Variants in PLEKHA7 observed in about 807,000 individuals in gnomAD.
The protein encoded by PLEKHA7 is pleckstrin homology domain containing A7.
Under a neutral mutation model 170.0 loss-of-function variants are expected in PLEKHA7, and 104 were observed. The observed-to-expected ratio is 0.61, with a 90% CI of 0.52 to 0.72. The LOEUF is 0.72. Among genes scored for constraint, PLEKHA7 ranks in the 30% least tolerant of loss-of-function variants. The pLI is 0.00. For synonymous variants in PLEKHA7, 648 were observed against 660.8 expected (o/e 0.98, Z 0.30); for missense variants, 1,615 against 1,671.7 (o/e 0.97, Z 0.59).
chr11:16,961,014 C>T (rs1470424602), intron 3 of PLEKHA7, among the ~76,000 whole-genome samples: 1 of 152,200 alleles, frequency 6.6e-6, no homozygotes, highest in East Asian at 1.9e-4. Context: ...GCAAGTCCCC[C>T]TCCACCCCAC....
At chr11:16,797,366 G>A (rs1848305867) in intron 17 of PLEKHA7, among the ~76,000 whole-genome samples, 1 of 152,150 alleles carries the variant, frequency 6.6e-6, no homozygotes, top group African/African-American at 2.4e-5. Flanking sequence ...CCCCTCAACT[G>A]GAAGAGTTCT....
At chr11:16,855,093 T>A (rs1336713491) in intron 5 of PLEKHA7, 100 bp from the exon 6 acceptor site, 2 of 900,394 alleles carry the variant, frequency 2.2e-6, no homozygotes, top group Non-Finnish European at 3.6e-6. Context: ...TGCCTCACTC[T>A]AAATGGCAGC....
chr11:17,000,795 C>T (rs1218563002), intron 3 of PLEKHA7, among the ~76,000 whole-genome samples: 4 of 152,212 alleles, frequency 2.6e-5, no homozygotes, highest in Non-Finnish European at 5.9e-5. Flanking sequence ...AAGCTAAAAG[C>T]AGAGTGAGGA....
At chr11:16,814,308 C>A (rs1849586814) in intron 12 of PLEKHA7, among the ~76,000 whole-genome samples, 1 of 152,208 alleles carries the variant, frequency 6.6e-6, no homozygotes, top group Non-Finnish European at 1.5e-5. Flanking sequence ...CACTGACATT[C>A]ATTTTTCTGA....
At chr11:16,927,681 T>A (rs1360562191) in intron 3 of PLEKHA7, among the ~76,000 whole-genome samples, 1 of 152,266 alleles carries the variant, frequency 6.6e-6, no homozygotes, top group East Asian at 1.9e-4. Flanking sequence ...GGGGACAATT[T>A]GGCAATATGA....
At chr11:16,805,377 G>A (rs1409884073) in intron 13 of PLEKHA7, among the ~76,000 whole-genome samples, 1 of 152,186 alleles carries the variant, frequency 6.6e-6, no homozygotes, top group African/African-American at 2.4e-5. Context: ...CTTTCTAAAA[G>A]TATGCCCTTT....
In PLEKHA7 at chr11:16,790,785, G is replaced by T. The variant is rs1484229287; in HGVS notation, c.3052+13C>A. On this transcript the variant is annotated intron_variant, in intron 21 of 26. Coordinates refer to ENST00000531066, the MANE Select transcript of PLEKHA7 (RefSeq NM_001329630.2). ...GGATTCCCAGAGAAACTCCAGGGAG[G>T]GCCCTGCCTTACCTCTGCCTGGCAG... The T allele has an allele frequency of 6.2e-7, 1 of 1,605,590 alleles. No individual in the cohort carries two copies. Among genetic ancestry groups the T allele is most frequent in the African/African-American group, 1.3e-5 (1 of 74,878 alleles).
At chr11:16,904,766 C>T (rs1294860057) in intron 3 of PLEKHA7, among the ~76,000 whole-genome samples, 1 of 152,098 alleles carries the variant, frequency 6.6e-6, no homozygotes, top group Non-Finnish European at 1.5e-5. Context: ...ATATACTTTG[C>T]ATATATTGCT....
chr11:16,794,397 C>T (rs1848066968), intron 19 of PLEKHA7, 91 bp downstream of exon 19: 5 of 1,336,832 alleles, frequency 3.7e-6, no homozygotes, highest in Non-Finnish European at 5.4e-6. Flanking sequence ...TCCATTTCCC[C>T]AAGTTTTCCC....
chr11:16,998,980 C>T (rs979620547), intron 3 of PLEKHA7, among the ~76,000 whole-genome samples: 1 of 152,114 alleles, frequency 6.6e-6, no homozygotes, highest in African/African-American at 2.4e-5. Context: ...TCCAACCAGC[C>T]CTCTATCCTC....
At chr11:16,840,111 G>T (rs182916767) in intron 9 of PLEKHA7, among the ~76,000 whole-genome samples, 2 of 152,168 alleles carry the variant, frequency 1.3e-5, no homozygotes, top group Non-Finnish European at 1.5e-5. Context: ...CAAAATTGAC[G>T]TAGTTACTGA....
At chr11:16,864,511 A>T (rs966314785) in intron 4 of PLEKHA7, among the ~76,000 whole-genome samples, 1 of 152,234 alleles carries the variant, frequency 6.6e-6, no homozygotes, top group African/African-American at 2.4e-5. Context: ...CTGTGTTCCC[A>T]CCCAAATTTC....
intron 3 of PLEKHA7, among the ~76,000 whole-genome samples, chr11:16,924,568 T>C (rs1245306284): frequency 6.6e-6 from 1 of 152,046 alleles, no homozygotes; most frequent in Non-Finnish European, 1.5e-5. Flanking sequence ...GGTTCTAAAG[T>C]AGATTAAAAA....
intron 3 of PLEKHA7, among the ~76,000 whole-genome samples, chr11:16,918,992 C>T (rs1057058085): frequency 5.9e-5 from 9 of 152,184 alleles, no homozygotes; most frequent in Admixed American, 3.9e-4. Context: ...GGGTGGATCA[C>T]CTGAGGTCAG....
In PLEKHA7 at chr11:16,789,100, C is replaced by T. The variant is rs774154046; in HGVS notation, c.3353G>A (p.Gly1118Asp). 26 of 1,602,574 alleles carry T rather than the reference C, an allele frequency of 1.6e-5. No homozygotes were observed. The highest frequency in any genetic ancestry group is 1.9e-5 in the Non-Finnish European group (23 of 1,179,946). ...YLSRPLPGDL[G>D]SWKREQDFDL... Reference sequence around the variant, plus strand: ...GCCTGGCCCCTCCTAACATACTGAGCCAAGATCTCCAGGGAGCGGCCGGCT... The same window carrying T: ...GCCTGGCCCCTCCTAACATACTGAGTCAAGATCTCCAGGGAGCGGCCGGCT... Residue 1118 changes from glycine (G) to aspartate (D), a missense_variant, in exon 23 of 27, where the codon GGC becomes GAC. Physicochemically the swap from Gly to Asp is moderately conservative, Grantham distance 94. Coordinates refer to ENST00000531066, the MANE Select transcript of PLEKHA7 (RefSeq NM_001329630.2). This position sits in a 1 kb window ranked among gnomAD's most constrained non-coding sequence, Gnocchi z 4.6.
chr11:16,865,447 A>T (rs865866275), intron 4 of PLEKHA7, among the ~76,000 whole-genome samples: 9 of 152,200 alleles, frequency 5.9e-5, no homozygotes, highest in African/African-American at 1.7e-4. Flanking sequence ...ACTCTAGGCC[A>T]GGCGGGTGGC....
intron 3 of PLEKHA7, chr11:16,881,696 C>T (rs1441392110): frequency 6.6e-6 from 1 of 152,222 alleles, no homozygotes; most frequent in African/African-American, 2.4e-5. Context: ...GCTCTGGAGT[C>T]AGAACAAATT....
intron 4 of PLEKHA7, among the ~76,000 whole-genome samples, chr11:16,857,708 A>ATTTG (rs112185316): frequency 0.022 from 3,322 of 152,082 alleles, 63 homozygotes; most frequent in East Asian, 0.1. Flanking sequence ...ATTTGTTTGA[A>ATTTG]TTTGTTTGTT....
At position 16,855,141 on chromosome 11, in the gene PLEKHA7, G is replaced by A. The variant is rs544607089; in HGVS notation, c.418-148C>T. On this transcript the variant is annotated intron_variant, in intron 5 of 26. Coordinates refer to ENST00000531066, the MANE Select transcript of PLEKHA7 (RefSeq NM_001329630.2). Reference sequence around the variant, plus strand: ...AATGAACAGCCAGAAGACAGGGAACGGGCGTGCACATGGCCACAGCATTCT... The same window carrying A: ...AATGAACAGCCAGAAGACAGGGAACAGGCGTGCACATGGCCACAGCATTCT... The A allele has an allele frequency of 1.1e-4, 74 of 651,740 alleles. No individual in the cohort carries two copies. The South Asian group carries it at 1.3e-3, about 12-fold the overall frequency. 40.4% of individuals were successfully genotyped at this position (651,740 alleles called of 1,614,324 possible).
Sources: gnomAD v4.1 joint callset for allele counts (sites outside exome capture counted in the v4.1 genomes callset) on GRCh38, gnomAD v4.1.1 for gene constraint, Gnocchi (gnomAD v3.1) non-coding constraint, MANE v1.5 for transcripts, NCBI Gene and HGNC (gene_info 2026-07-23, HGNC 2026-07-21) for gene names.